PKNOX2: variants seen among roughly 807,000 people sequenced by gnomAD.
The protein encoded by PKNOX2 is homeobox protein PKNOX2.
A neutral mutation model predicts 53.1 loss-of-function variants in PKNOX2; 14 were observed. The observed-to-expected ratio is 0.26, with a 90% CI of 0.17 to 0.41. The LOEUF is 0.41. Ranked by LOEUF, PKNOX2 falls within the 10% of genes least tolerant of loss-of-function variation. The pLI is 1.00. For synonymous variants in PKNOX2, 257 were observed against 242.8 expected (o/e 1.06, Z -0.54); for missense variants, 496 against 602.8 (o/e 0.82, Z 1.85).
intron 10 of PKNOX2, among the ~76,000 whole-genome samples, chr11:125,419,453 A>AAAAAAAAAG (rs1956058114): frequency 8.9e-5 from 2 of 22,590 alleles, no homozygotes; most frequent in Admixed American, 5.8e-4. Context: ...AAAAAAAAAG[A>AAAAAAAAAG]AAAAAAAAAA....
At chr11:125,292,343 T>A (rs1319278914) in intron 2 of PKNOX2, among the ~76,000 whole-genome samples, 1 of 152,182 alleles carries the variant, frequency 6.6e-6, no homozygotes, top group Non-Finnish European at 1.5e-5. Context: ...AATCAGAAAG[T>A]CGGGGACAAA....
chr11:125,218,406 A>G (rs1293460888), intron 1 of PKNOX2, among the ~76,000 whole-genome samples: 1 of 138,046 alleles, frequency 7.2e-6, no homozygotes, highest in Non-Finnish European at 1.6e-5. Context: ...CGTGGCAGTG[A>G]TGGGGGGGGG....
chr11:125,360,559 T>C (rs1186657805), intron 4 of PKNOX2, among the ~76,000 whole-genome samples: 4 of 152,166 alleles, frequency 2.6e-5, no homozygotes, highest in Admixed American at 6.5e-5. Flanking sequence ...TAACGCATAA[T>C]GTAACCTTCT....
intron 2 of PKNOX2, among the ~76,000 whole-genome samples, chr11:125,257,829 A>G (rs560571798): frequency 1.4e-4 from 21 of 152,308 alleles, no homozygotes; most frequent in African/African-American, 5.1e-4. Flanking sequence ...TAGACTTTGC[A>G]TGAGAGCTCG....
chr11:125,225,342 G>T (rs544415399), intron 1 of PKNOX2, among the ~76,000 whole-genome samples: 1 of 152,318 alleles, frequency 6.6e-6, no homozygotes, highest in South Asian at 2.1e-4. Context: ...CCTAGTGAAG[G>T]ATCTGATGCT....
rs912549329 is a variant in PKNOX2 at position 125,381,040 on chromosome 11, G to C, written c.228-4511G>C. ...CCACGCTGCAGCCACAAAACCCACGGAGTCGCTGAGAAATGGAGCGTGTCT... is the reference window on the plus strand; with the variant it reads ...CCACGCTGCAGCCACAAAACCCACGCAGTCGCTGAGAAATGGAGCGTGTCT... On this transcript the variant is annotated intron_variant, in intron 5 of 12. Transcript: ENST00000298282. Among the ~76,000 whole-genome samples the C allele has an allele frequency of 5.9e-5, 9 of 152,164 alleles. 1 individual carries two copies. Among genetic ancestry groups the C allele is most frequent in the South Asian group, 2.1e-4 (1 of 4,808 alleles).
chr11:125,197,581 G>A (rs1397686898), intron 1 of PKNOX2, among the ~76,000 whole-genome samples: 1 of 152,186 alleles, frequency 6.6e-6, no homozygotes, highest in East Asian at 1.9e-4. Flanking sequence ...CCTTAGCTGG[G>A]AGGGTCCCAT....
At chr11:125,328,362 TGA>T (rs140583326) in intron 2 of PKNOX2, among the ~76,000 whole-genome samples, 3,957 of 132,182 alleles carry the variant, frequency 0.03, 128 homozygotes, top group African/African-American at 0.098. Context: ...AGAGAGTGAG[TGA>T]GAGAGAGAGA....
chr11:125,177,179 C>A (rs2135239865), intron 1 of PKNOX2, among the ~76,000 whole-genome samples: 1 of 152,288 alleles, frequency 6.6e-6, no homozygotes, highest in African/African-American at 2.4e-5. Context: ...AGGGAGTCAA[C>A]TTGACAATGT....
intron 1 of PKNOX2, among the ~76,000 whole-genome samples, chr11:125,228,756 G>A (rs1055897923): frequency 3.3e-5 from 5 of 152,178 alleles, no homozygotes; most frequent in African/African-American, 1.2e-4. Context: ...AGGATTAAGT[G>A]GACATGATTT....
At chr11:125,306,563 C>A (rs954264830) in intron 2 of PKNOX2, among the ~76,000 whole-genome samples, 3 of 152,226 alleles carry the variant, frequency 2.0e-5, no homozygotes, top group Non-Finnish European at 2.9e-5. Context: ...TCTGCATGAT[C>A]CATGCATTAA....
intron 3 of PKNOX2, 111 bp from the exon 4 acceptor site, chr11:125,351,173 C>T (rs560760828): frequency 1.8e-5 from 13 of 711,224 alleles, no homozygotes; most frequent in South Asian, 1.2e-4. Flanking sequence ...CAACCCTTGC[C>T]GCATCCAGCC....
chr11:125,290,551 G>T (rs1340058477), intron 2 of PKNOX2, among the ~76,000 whole-genome samples: 1 of 152,230 alleles, frequency 6.6e-6, no homozygotes, highest in Non-Finnish European at 1.5e-5. Context: ...CAAGCTCGAT[G>T]CAGGCCTTGG....
intron 1 of PKNOX2, among the ~76,000 whole-genome samples, chr11:125,215,902 C>T (rs1565471422): frequency 6.6e-6 from 1 of 152,210 alleles, no homozygotes; most frequent in South Asian, 2.1e-4. Flanking sequence ...TGGTCACTTA[C>T]AGCGCTCAGT....
At chr11:125,327,442 CT>C (rs1949891057) in intron 2 of PKNOX2, among the ~76,000 whole-genome samples, 1 of 152,246 alleles carries the variant, frequency 6.6e-6, no homozygotes, top group African/African-American at 2.4e-5. Context: ...AGCCCCGTGT[CT>C]TCCCATCCTT....
At position 125,432,460 on chromosome 11, in the gene PKNOX2, A is replaced by G. The variant is rs1591571961; in HGVS notation, c.*1068A>G. The G allele has an allele frequency of 1.3e-5, 2 of 152,698 alleles. No homozygotes were observed. The highest frequency in any genetic ancestry group is 2.1e-4 in the South Asian group (1 of 4,830). 9.5% of individuals were successfully genotyped at this position (152,698 alleles called of 1,614,324 possible). On this transcript the variant is annotated 3_prime_UTR_variant, in exon 13 of 13. Transcript: ENST00000298282. ...AGAAACATTGGAAAGCATCTAGTCC[A>G]GTGGGAAGCCAGGGGTTGGAGAAGG... is the stretch of plus-strand genomic sequence containing the variant.
At chr11:125,316,347 A>G (rs1032698595) in intron 2 of PKNOX2, among the ~76,000 whole-genome samples, 1 of 152,220 alleles carries the variant, frequency 6.6e-6, no homozygotes, top group East Asian at 1.9e-4. Flanking sequence ...ACAGCTTTGC[A>G]TGGAGAAGAA....
intron 1 of PKNOX2, among the ~76,000 whole-genome samples, chr11:125,178,626 GAAAGAAA>G (rs1955899790): frequency 3.8e-5 from 3 of 79,536 alleles, no homozygotes; most frequent in East Asian, 3.8e-4. Flanking sequence ...AAGAAAGAAA[GAAAGAAA>G]GAAAGAAAGA....
intron 1 of PKNOX2, among the ~76,000 whole-genome samples, chr11:125,222,688 G>A (rs1434275874): frequency 6.9e-6 from 1 of 144,536 alleles, no homozygotes; most frequent in African/African-American, 2.7e-5. Context: ...GTGTGCGTAT[G>A]TGTGTGTATG....
Sources: gnomAD v4.1 joint callset for allele counts (sites outside exome capture counted in the v4.1 genomes callset) on GRCh38, gnomAD v4.1.1 for gene constraint, MANE v1.5 for transcripts, NCBI Gene and HGNC (gene_info 2026-07-23, HGNC 2026-07-21) for gene names.